ANKLE1: variants seen among roughly 807,000 people sequenced by gnomAD.
ANKLE1 encodes ankyrin repeat and LEM domain containing 1, also known as structure-specific endonuclease ANKLE1.
A neutral mutation model predicts 56.2 loss-of-function variants in ANKLE1; 59 were observed. The observed-to-expected ratio is 1.05, with a 90% CI of 0.85 to 1.30. ANKLE1 has a LOEUF of 1.30. Ranked by LOEUF, ANKLE1 falls within the 50% of genes most tolerant of loss-of-function variation. The pLI, the probability that ANKLE1 is intolerant of heterozygous loss-of-function variation, is 0.00. For missense variants in ANKLE1, 771 were observed against 816.1 expected, an observed-to-expected ratio of 0.94 and a Z score of 0.67; for synonymous variants, 341 against 352.9, an observed-to-expected ratio of 0.97 and a Z score of 0.38.
Position 17,284,309 on chromosome 19 carries a change from T to C in ANKLE1, c.1376+43T>C, listed in dbSNP as rs772149435. On this transcript the variant is annotated intron_variant, in intron 6 of 8. Coordinates refer to ENST00000404085, the MANE Select transcript of ANKLE1 (RefSeq NM_152363.6). ...GCCCCAGAAATAGAAACTAGAAAATTTGGGGATTGGTTTTTATTTGCTGTG... is the reference window on the plus strand; with the variant it reads ...GCCCCAGAAATAGAAACTAGAAAATCTGGGGATTGGTTTTTATTTGCTGTG... The C allele has an allele frequency of 5.7e-6, 9 of 1,590,296 alleles. No homozygotes were observed. The East Asian group carries it at 9.0e-5, about 16-fold the overall frequency.
chr19:17,284,684 C>CTTTTTTTTT lies in ANKLE1; in HGVS notation c.1376+429_1376+437dup, dbSNP rs67967763. Among the ~76,000 whole-genome samples, 71 of 91,910 alleles carry CTTTTTTTTT rather than the reference C, an allele frequency of 7.7e-4. 6 individuals are homozygous for CTTTTTTTTT. Among genetic ancestry groups the CTTTTTTTTT allele is most frequent in the Non-Finnish European group, 1.0e-3 (49 of 48,292 alleles). The allele number at this position is 91,910 out of a possible 152,430, so 60.3% of individuals were successfully genotyped here. On this transcript the variant is annotated intron_variant, in intron 6 of 8. Coordinates refer to ENST00000404085, the MANE Select transcript of ANKLE1 (RefSeq NM_152363.6). ...CAGGTGTGAGCCACCGCACCGGCCTCTTTTTTTTTTTTTTTTTTTGAGGCG... is the reference window on the plus strand; with the variant it reads ...CAGGTGTGAGCCACCGCACCGGCCTCTTTTTTTTTTTTTTTTTTTTTTTTTTTTGAGGCG...
Position 17,286,935 on chromosome 19 carries a change from C to T in ANKLE1, c.*383C>T, listed in dbSNP as rs143841719. The T allele has an allele frequency of 2.3e-3, 1,067 of 470,118 alleles. 40 individuals carry two copies. In the Admixed American group the frequency reaches 0.049, roughly 22 times the overall value. 29.1% of individuals were successfully genotyped at this position (470,118 alleles called of 1,614,324 possible). A position where few individuals can be genotyped will look rare whatever the true frequency, so the allele number is the denominator to read the frequency against. ...TAAAATGAGGCTGAAACCTACTGGG[C>T]TGCATTCCCAGATGGTTAAAGCATT... On this transcript the variant is annotated 3_prime_UTR_variant, in exon 9 of 9. Transcript: ENST00000404085.
rs576919185 is a variant in ANKLE1, at chr19:17,286,501, G to A, written c.1797G>A (p.Leu599=). Residue 599 remains leucine, a synonymous_variant, in exon 9 of 9, where the codon CTG becomes CTA. Transcript: ENST00000404085. ...TGCACCGTGCCCTCCTTGTCTTCCT[G>A]GCTGAAGGCGAGCGACAGCTTCATC... ...HLLHRALLVF[L]AEGERQLHPQ... is the part of the protein sequence containing the mutation. 9 of 1,612,150 alleles carry A rather than the reference G, an allele frequency of 5.6e-6. No individual in the cohort carries two copies. The South Asian group carries it at 9.9e-5, about 18-fold the overall frequency.
At position 17,283,593 on chromosome 19, in the gene ANKLE1, G is replaced by A; in HGVS notation, c.829G>A (p.Ala277Thr). ...GGCAGAACTGAATGCCCGTCTGCAG[G>A]CCCTGACTCTGACCCCACCAAATGC... ...TEAELNARLQ[A>T]LTLTPPNAAG... The change falls in exon 5 of 9, where the codon GCC becomes ACC. Residue 277 changes from alanine (A) to threonine (T), a missense_variant. Coordinates refer to ENST00000404085, the MANE Select transcript of ANKLE1 (RefSeq NM_152363.6). The A allele has an allele frequency of 3.7e-6, 6 of 1,612,148 alleles. No individual in the cohort carries two copies. Among genetic ancestry groups the A allele is most frequent in the Non-Finnish European group, 5.1e-6 (6 of 1,179,140 alleles).
In ANKLE1 at chr19:17,283,326, C is replaced by T. The variant is rs772739171; in HGVS notation, c.562C>T (p.Pro188Ser). The change falls in exon 5 of 9, where the codon CCA (proline) becomes TCA (serine). Residue 188 changes from proline (P) to serine (S), a missense_variant. Pro to Ser is a moderately conservative substitution (Grantham distance 74). Transcript: ENST00000404085. Reference sequence around the variant, plus strand: ...CAGGGACATTGGCTTGGAGGCTGACCCAGGACCCCCCAGCCTCCCTGTTCC... The same window carrying T: ...CAGGGACATTGGCTTGGAGGCTGACTCAGGACCCCCCAGCCTCCCTGTTCC... ...DNRDIGLEADPGPPSLPVPLE... is the reference protein window; with the variant it reads ...DNRDIGLEADSGPPSLPVPLE... The T allele has an allele frequency of 3.1e-6, 5 of 1,613,286 alleles. No homozygotes were observed. The African/African-American group carries it at 6.7e-5, about 22-fold the overall frequency.
In ANKLE1 at chr19:17,282,688, C is replaced by T. The variant is rs528137120; in HGVS notation, c.248C>T (p.Ala83Val). The T allele has an allele frequency of 4.6e-5, 71 of 1,535,478 alleles. No individual in the cohort carries two copies. In the African/African-American group the frequency reaches 8.2e-4, roughly 18 times the overall value. ...SVEALTPLHVAAAWGCRRGLE... is the reference protein window; with the variant it reads ...SVEALTPLHVVAAWGCRRGLE... ...GAGGCACTGACGCCGCTGCATGTGGCCGCCGCGTGGGGCTGCCGCCGCGGC... is the reference window on the plus strand; with the variant it reads ...GAGGCACTGACGCCGCTGCATGTGGTCGCCGCGTGGGGCTGCCGCCGCGGC... The change falls in exon 3 of 9, where the codon GCC becomes GTC. Residue 83 changes from alanine (A) to valine (V), a missense_variant. Transcript: ENST00000404085.
chr19:17,284,684 C>CTTTTTT (rs67967763), intron 6 of ANKLE1, among the ~76,000 whole-genome samples: 9,244 of 91,606 alleles, frequency 0.1, 970 homozygotes, highest in Non-Finnish European at 0.14. Flanking sequence ...GCACCGGCCT[C>CTTTTTT]TTTTTTTTTT....
In ANKLE1 at chr19:17,286,813, G is replaced by A; in HGVS notation, c.*261G>A. 1.5e-6 allele frequency: 2 copies of A among 1,327,242 alleles called. No individual in the cohort carries two copies. The highest frequency in any genetic ancestry group is 1.9e-6 in the Non-Finnish European group (2 of 1,033,662). 82.2% of individuals were successfully genotyped at this position (1,327,242 alleles called of 1,614,324 possible). On this transcript the variant is annotated 3_prime_UTR_variant, in exon 9 of 9. Transcript: ENST00000404085. Reference sequence around the variant, plus strand: ...AGTAGTGAGCTCCCCATCGTGGGAGGAGGACAAGAAGGGAAGCAGAAGGTG... The same window carrying A: ...AGTAGTGAGCTCCCCATCGTGGGAGAAGGACAAGAAGGGAAGCAGAAGGTG...
At chr19:17,283,175 G>C in intron 4 of ANKLE1, 50 bp from the exon 5 acceptor site, 1 of 1,570,546 alleles carries the variant, frequency 6.4e-7, no homozygotes, top group Non-Finnish European at 8.6e-7. Flanking sequence ...TATTCTCATC[G>C]CTGTCTCATC....
chr19:17,283,005 G>A lies in ANKLE1; in HGVS notation c.460+3G>A. On this transcript the variant is annotated splice_donor_region_variant and intron_variant, in intron 4 of 8. Coordinates refer to ENST00000404085, the MANE Select transcript of ANKLE1 (RefSeq NM_152363.6). ...GGAGCCCGAGCCTGCACCTGGCAGTGAGTAGGGCCTGCAGGGCTGCTGGGG... is the reference window on the plus strand; with the variant it reads ...GGAGCCCGAGCCTGCACCTGGCAGTAAGTAGGGCCTGCAGGGCTGCTGGGG... The A allele has an allele frequency of 6.4e-7, 1 of 1,558,668 alleles. No homozygotes were observed. The highest frequency in any genetic ancestry group is 8.6e-7 in the Non-Finnish European group (1 of 1,158,632).
rs767186144 is a variant in ANKLE1 at position 17,284,134 on chromosome 19, G to T, written c.1244G>T (p.Arg415Leu). The part of the protein sequence containing the change: ...GHSLELAAAL[R>L]TGCIPDVQAD... ...AGCCTAGAACTGGCTGCAGCCCTGC[G>T]GACGGGCTGTATTCCAGATGTCCAG... Residue 415 changes from arginine (R) to leucine (L), a missense_variant, in exon 6 of 9, where the codon CGG (arginine) becomes CTG (leucine). Arg to Leu is a moderately radical substitution (Grantham distance 102). Coordinates refer to ENST00000404085, the MANE Select transcript of ANKLE1 (RefSeq NM_152363.6). 6.2e-7 allele frequency: 1 copy of T among 1,613,778 alleles called. No individual in the cohort carries two copies.
In ANKLE1 at chr19:17,283,625, C is replaced by T. The variant is rs1434235483; in HGVS notation, c.861C>T (p.Gly287=). ...CTCTGACCCCACCAAATGCTGCTGG[C>T]TTCCAGTCCTCCCCTTCCTCCATGC... ...ALTLTPPNAA[G]FQSSPSSMPL... is the part of the protein sequence containing the mutation. The change falls in exon 5 of 9, where the codon GGC becomes GGT. Residue 287 remains glycine, a synonymous_variant. Coordinates refer to ENST00000404085, the MANE Select transcript of ANKLE1 (RefSeq NM_152363.6). 1 of 1,612,256 alleles carries T rather than the reference C, an allele frequency of 6.2e-7. No individual in the cohort carries two copies. Among genetic ancestry groups the T allele is most frequent in the Admixed American group, 1.7e-5 (1 of 60,002 alleles).
In ANKLE1 at chr19:17,285,683, C is replaced by T; in HGVS notation, c.1539C>T (p.Pro513=). The change falls in exon 8 of 9, where the codon CCC becomes CCT. Residue 513 remains proline (P), a splice_region_variant and synonymous_variant. Coordinates refer to ENST00000404085, the MANE Select transcript of ANKLE1 (RefSeq NM_152363.6). ...GCTGACTCCTGATTCTGCCCTAGCC[C>T]CACCAGGCCTGCCCCAAGGTGCGTC... ...LGHHGRSRKQ[P]HQACPKVRQI... The T allele has an allele frequency of 6.2e-7, 1 of 1,613,918 alleles. No homozygotes were observed. Among genetic ancestry groups the T allele is most frequent in the Non-Finnish European group, 8.5e-7 (1 of 1,179,886 alleles).
Position 17,286,676 on chromosome 19 carries a change from G to GTGTGTGTGTGTGTGTGTGTGTGTT in ANKLE1, c.*139_*140insGTGTGTGTTTGTGTGTGTGTGTGT, listed in dbSNP as rs2074037576. ...TGTGTGTGTGTGTGTGTGTGTGTGT[G>GTGTGTGTGTGTGTGTGTGTGTGTT]TGTGTGTGTGTGTGTTTGTGTGTGT... On this transcript the variant is annotated 3_prime_UTR_variant, in exon 9 of 9. Coordinates refer to ENST00000404085, the MANE Select transcript of ANKLE1 (RefSeq NM_152363.6). 1 of 1,093,558 alleles carries GTGTGTGTGTGTGTGTGTGTGTGTT rather than the reference G, an allele frequency of 9.1e-7. No homozygotes were observed. Among genetic ancestry groups the GTGTGTGTGTGTGTGTGTGTGTGTT allele is most frequent in the Non-Finnish European group, 1.2e-6 (1 of 805,450 alleles). The allele number at this position is 1,093,558 out of a possible 1,614,324, so 67.7% of individuals were successfully genotyped here.
intron 8 of ANKLE1, 108 bp from the exon 9 acceptor site, chr19:17,286,272 G>C: frequency 2.8e-6 from 4 of 1,408,926 alleles, no homozygotes; most frequent in Non-Finnish European, 3.8e-6. Context: ...AAAGTGTTGG[G>C]ATTACAGGCG....
In ANKLE1 at chr19:17,282,191, G is replaced by A. The variant is rs1439112853; in HGVS notation, c.197G>A (p.Gly66Asp). 6 of 1,519,644 alleles carry A rather than the reference G, an allele frequency of 3.9e-6. No individual in the cohort carries two copies. The East Asian group carries it at 7.4e-5, about 19-fold the overall frequency. 94.1% of individuals were successfully genotyped at this position (1,519,644 alleles called of 1,614,324 possible). A position where few individuals can be genotyped will look rare whatever the true frequency, so the allele number is the denominator to read the frequency against. The change falls in exon 2 of 9, where the codon GGC (glycine) becomes GAC (aspartate). Residue 66 changes from glycine to aspartate, a missense_variant. Coordinates refer to ENST00000404085, the MANE Select transcript of ANKLE1 (RefSeq NM_152363.6). Reference sequence around the variant, plus strand: ...TGCCTCGGGGCCCTACTGCGCCAAGGCGGGGACCCCAACGCTCGGTAAGAT... The same window carrying A: ...TGCCTCGGGGCCCTACTGCGCCAAGACGGGGACCCCAACGCTCGGTAAGAT... ...LRCLGALLRQ[G>D]GDPNARSVEA...
intron 4 of ANKLE1, 56 bp downstream of exon 4, chr19:17,283,058 C>G: frequency 6.5e-7 from 1 of 1,536,970 alleles, no homozygotes; most frequent in East Asian, 2.4e-5. Flanking sequence ...TCCCTGACAT[C>G]CAGGGTCTTC....
chr19:17,282,879 C>A lies in ANKLE1; in HGVS notation c.337C>A (p.Leu113Met). The A allele has an allele frequency of 6.3e-7, 1 of 1,582,186 alleles. No homozygotes were observed. Among genetic ancestry groups the A allele is most frequent in the East Asian group, 2.3e-5 (1 of 43,820 alleles). ...GCCCCTGTAGGACGGACTCCGGCCGCTGGACCTGGCCCTGCAGCAGGGACA... is the reference window on the plus strand; with the variant it reads ...GCCCCTGTAGGACGGACTCCGGCCGATGGACCTGGCCCTGCAGCAGGGACA... Reference protein sequence around the residue: ...ALRDQDGLRPLDLALQQGHLE... With the variant: ...ALRDQDGLRPMDLALQQGHLE... Residue 113 changes from leucine to methionine, a missense_variant, in exon 4 of 9, where the codon CTG (leucine) becomes ATG (methionine). Leu to Met is a conservative substitution (Grantham distance 15, BLOSUM62 2). Transcript: ENST00000404085.
chr19:17,282,005 G>T, intron 1 of ANKLE1, 23 bp downstream of exon 1: 1 of 1,535,334 alleles, frequency 6.5e-7, no homozygotes. Flanking sequence ...CCGGGGGCGG[G>T]CCAGGAGTGG....
Sources: gnomAD v4.1 joint callset for allele counts (sites outside exome capture counted in the v4.1 genomes callset) on GRCh38, gnomAD v4.1.1 for gene constraint, MANE v1.5 for transcripts, NCBI Gene and HGNC (gene_info 2026-07-23, HGNC 2026-07-21) for gene names.